The following VPS26A variants were observed in gnomAD, a reference collection of about 807,000 sequenced individuals.
The protein encoded by VPS26A is vacuolar protein sorting-associated protein 26A.
Under a neutral mutation model 42.4 loss-of-function variants are expected in VPS26A, and 22 were observed. That is an observed-to-expected ratio of 0.52 (90% CI 0.37 to 0.74). The LOEUF is 0.74. VPS26A is among the 30% of genes least tolerant of loss of function. The pLI is 0.00. For synonymous variants in VPS26A, 110 were observed against 123.5 expected (o/e 0.89, Z 0.73); for missense variants, 276 against 379.2 (o/e 0.73, Z 2.26).
intron 4 of VPS26A, 60 bp from the exon 5 acceptor site, chr10:69,157,987 T>A (rs1841468135): frequency 1.4e-6 from 2 of 1,433,640 alleles, no homozygotes; most frequent in Non-Finnish European, 1.9e-6. Flanking sequence ...GTTTGCTGAT[T>A]TAAAACATGA....
chr10:69,126,002 A>G (rs1442177937), intron 1 of VPS26A, among the ~76,000 whole-genome samples: 1 of 152,250 alleles, frequency 6.6e-6, no homozygotes, highest in African/African-American at 2.4e-5. Context: ...AGAAAACTAT[A>G]AAAACAATTG....
At chr10:69,143,599 A>G (rs542137785) in intron 2 of VPS26A, among the ~76,000 whole-genome samples, 2 of 152,284 alleles carry the variant, frequency 1.3e-5, no homozygotes, top group East Asian at 3.9e-4. Context: ...CATTTTCCAC[A>G]TCACTGTCTT....
chr10:69,147,708 TTTTTTATTTTTTA>T (rs1407832488), intron 2 of VPS26A, among the ~76,000 whole-genome samples: 1 of 152,046 alleles, frequency 6.6e-6, no homozygotes, highest in South Asian at 2.1e-4. Context: ...TGGCATTTTA[TTTTTTATTTTTTA>T]TTTTTATTTT....
At chr10:69,151,283 A>AAAAAAAAC (rs59929053) in intron 2 of VPS26A, among the ~76,000 whole-genome samples, 1 of 122,124 alleles carries the variant, frequency 8.2e-6, no homozygotes, top group Admixed American at 7.6e-5. Context: ...AAAAAAAAAA[A>AAAAAAAAC]CACACACACA....
chr10:69,136,916 C>T (rs10998598), intron 2 of VPS26A, among the ~76,000 whole-genome samples: 6,303 of 151,860 alleles, frequency 0.042, 461 homozygotes, highest in African/African-American at 0.14. Context: ...CTCAGCCTCC[C>T]GAGTAGCTGG....
At chr10:69,137,732 T>G (rs914881379) in intron 2 of VPS26A, among the ~76,000 whole-genome samples, 1 of 152,144 alleles carries the variant, frequency 6.6e-6, no homozygotes, top group Non-Finnish European at 1.5e-5. Flanking sequence ...CTCAAGAGGA[T>G]TATACACATG....
intron 5 of VPS26A, among the ~76,000 whole-genome samples, chr10:69,159,781 C>T (rs1257156058): frequency 3.3e-5 from 5 of 152,160 alleles, no homozygotes; most frequent in Admixed American, 2.6e-4. Flanking sequence ...CCCTAATTGG[C>T]TCACAGATAT....
At chr10:69,156,227 T>G (rs1841426033) in intron 3 of VPS26A, among the ~76,000 whole-genome samples, 1 of 151,736 alleles carries the variant, frequency 6.6e-6, no homozygotes, top group Admixed American at 6.6e-5. Flanking sequence ...ATTTTCTAAT[T>G]ACCCATGCCA....
intron 5 of VPS26A, 131 bp from the exon 6 acceptor site, chr10:69,162,275 C>G: frequency 2.0e-6 from 1 of 497,928 alleles, no homozygotes; most frequent in East Asian, 3.6e-5. Context: ...CAGGCAAGAG[C>G]CACTGTGCCC....
chr10:69,134,924 A>G (rs1435077775), intron 2 of VPS26A, among the ~76,000 whole-genome samples: 3 of 151,854 alleles, frequency 2.0e-5, no homozygotes, highest in African/African-American at 7.3e-5. Context: ...GAGACCCTGT[A>G]TCTATTTAAA....
intron 4 of VPS26A, among the ~76,000 whole-genome samples, 170 bp downstream of exon 4, chr10:69,157,333 A>G (rs1185845448): frequency 6.6e-6 from 1 of 152,200 alleles, no homozygotes; most frequent in Non-Finnish European, 1.5e-5. Context: ...AGAGCGTTCT[A>G]ACATTATAGA....
At chr10:69,144,746 T>C (rs1483578702) in intron 2 of VPS26A, among the ~76,000 whole-genome samples, 1 of 151,960 alleles carries the variant, frequency 6.6e-6, no homozygotes, top group African/African-American at 2.4e-5. Context: ...CTCTTATTGA[T>C]GTGTAGGATT....
intron 1 of VPS26A, 22 bp from the exon 2 acceptor site, chr10:69,132,876 G>A (rs1840816834): frequency 1.9e-6 from 3 of 1,569,958 alleles, no homozygotes; most frequent in Non-Finnish European, 2.6e-6. Flanking sequence ...TGATAATTAT[G>A]ACCATTTTCA....
At chr10:69,170,611 C>T (rs1018611378) in intron 8 of VPS26A, among the ~76,000 whole-genome samples, 5 of 152,044 alleles carry the variant, frequency 3.3e-5, no homozygotes, top group African/African-American at 1.2e-4. Context: ...TCCATTTGGC[C>T]GATGGGGGAA....
At chr10:69,149,753 T>G (rs200725776) in intron 2 of VPS26A, among the ~76,000 whole-genome samples, 8,067 of 99,766 alleles carry the variant, frequency 0.081, 467 homozygotes, top group South Asian at 0.2. Context: ...TTTTTTTTTT[T>G]TTTTTTTTTT....
intron 1 of VPS26A, among the ~76,000 whole-genome samples, chr10:69,129,415 A>C (rs1282334634): frequency 6.6e-6 from 1 of 152,114 alleles, no homozygotes; most frequent in African/African-American, 2.4e-5. Context: ...GTGACCTATC[A>C]CTGATGATTT....
chr10:69,156,632 T>C (rs1841434360), intron 3 of VPS26A, among the ~76,000 whole-genome samples: 1 of 152,114 alleles, frequency 6.6e-6, no homozygotes, highest in Non-Finnish European at 1.5e-5. Flanking sequence ...TTTAGTCTTT[T>C]TGTGTTTTGT....
chr10:69,155,964 T>C lies in VPS26A; in HGVS notation c.229+77T>C, dbSNP rs556818063. ...AGGGTTGGATTTTGCACCAAAATAA[T>C]TGAATTAGAGCTTAGCTTTGTAGAA... On this transcript the variant is annotated intron_variant, in intron 3 of 8. Transcript: ENST00000263559. The C allele has an allele frequency of 4.9e-4, 548 of 1,108,176 alleles. 1 individual carries two copies. Among genetic ancestry groups the C allele is most frequent in the Admixed American group, 1.1e-3 (52 of 47,902 alleles). 68.6% of individuals were successfully genotyped at this position (1,108,176 alleles called of 1,614,324 possible). A position where few individuals can be genotyped will look rare whatever the true frequency, so the allele number is the denominator to read the frequency against.
At chr10:69,126,670 G>A (rs1840662324) in intron 1 of VPS26A, among the ~76,000 whole-genome samples, 2 of 151,880 alleles carry the variant, frequency 1.3e-5, no homozygotes, top group African/African-American at 4.8e-5. Context: ...TTACCAGCTT[G>A]ACAGTTGTGT....
Sources: allele counts gnomAD v4.1 joint callset (sites outside exome capture counted in the v4.1 genomes callset), GRCh38; gene constraint gnomAD v4.1.1; transcripts MANE v1.5; gene names NCBI Gene and HGNC (gene_info 2026-07-23, HGNC 2026-07-21).